PPARG: variants seen among roughly 807,000 people sequenced by gnomAD.
The protein encoded by PPARG is peroxisome proliferator activated receptor gamma.
A neutral mutation model predicts 39.2 loss-of-function variants in PPARG; 17 were observed. The ratio of observed to expected loss-of-function variants is 0.43; its 90% CI spans 0.30 to 0.65. The LOEUF (loss-of-function observed/expected upper bound fraction) is 0.65, where lower values mean the gene tolerates loss of function less well. Ranked by LOEUF, PPARG falls within the 30% of genes least tolerant of loss-of-function variation. The probability of loss-of-function intolerance (pLI) is 0.13; values close to 1 mark genes in which losing one functional copy is unlikely to be tolerated. For missense variants in PPARG, 406 were observed against 585.9 expected, an observed-to-expected ratio of 0.69 and a Z score of 3.17; for synonymous variants, 223 against 215.7, an observed-to-expected ratio of 1.03 and a Z score of -0.30.
At chr3:12,404,944 G>T (rs138431838) in intron 5 of PPARG, among the ~76,000 whole-genome samples, 1 of 152,264 alleles carries the variant, frequency 6.6e-6, no homozygotes, top group African/African-American at 2.4e-5. Context: ...CCATAAAAAC[G>T]CATGGCTGTG....
chr3:12,400,526 T>C (rs1163490708), intron 5 of PPARG, among the ~76,000 whole-genome samples: 1 of 152,244 alleles, frequency 6.6e-6, no homozygotes, highest in Non-Finnish European at 1.5e-5. Flanking sequence ...CCAGTCTTCC[T>C]GAAGGGAGCC....
intron 2 of PPARG, among the ~76,000 whole-genome samples, chr3:12,369,069 A>C (rs1203959557): frequency 1.3e-5 from 2 of 152,346 alleles, no homozygotes; most frequent in Middle Eastern, 3.4e-3. Context: ...TAACACTCGT[A>C]CACAGCTACA....
chr3:12,396,298 T>G (rs1044941677), intron 5 of PPARG, among the ~76,000 whole-genome samples: 4 of 152,042 alleles, frequency 2.6e-5, no homozygotes, highest in Non-Finnish European at 5.9e-5. Flanking sequence ...ATTTTTGTAT[T>G]TTTAGTAAAG....
chr3:12,404,308 C>CA (rs1451999970), intron 5 of PPARG, among the ~76,000 whole-genome samples: 1 of 152,002 alleles, frequency 6.6e-6, no homozygotes, highest in Non-Finnish European at 1.5e-5. Flanking sequence ...AGGCCCCTAC[C>CA]AAACAATAGT....
Position 12,379,658 on chromosome 3 carries a change from T to C in PPARG, c.-8-46T>C, listed in dbSNP as rs367729643. ...TTTCTGAAACTCTGTGAGATTGCTG[T>C]GTTCTCTAGGACTTAACTTCACAGC... On this transcript the variant is annotated intron_variant, in intron 2 of 7. Coordinates refer to ENST00000651735, the MANE Select transcript of PPARG (RefSeq NM_138711.6). 3.4e-5 allele frequency: 51 copies of C among 1,512,774 alleles called. No homozygotes were observed. In the South Asian group the frequency reaches 4.4e-4, roughly 13 times the overall value. 93.7% of individuals were successfully genotyped at this position (1,512,774 alleles called of 1,614,324 possible).
chr3:12,311,576 A>T (rs1306533379), intron 1 of PPARG, among the ~76,000 whole-genome samples: 1 of 152,202 alleles, frequency 6.6e-6, no homozygotes, highest in Non-Finnish European at 1.5e-5. Flanking sequence ...AAAGGTACAG[A>T]TTTAAAAGAG....
At chr3:12,422,722 A>T (rs1281942229) in intron 7 of PPARG, among the ~76,000 whole-genome samples, 1 of 152,064 alleles carries the variant, frequency 6.6e-6, no homozygotes, top group Non-Finnish European at 1.5e-5. Context: ...TCTACAAAAA[A>T]TACAAAAATT....
intron 5 of PPARG, among the ~76,000 whole-genome samples, chr3:12,405,155 C>T (rs2125250563): frequency 6.6e-6 from 1 of 152,202 alleles, no homozygotes; most frequent in South Asian, 2.1e-4. Flanking sequence ...TTATTTTTTC[C>T]CCAAACTAGT....
chr3:12,326,381 A>G (rs1203151578), intron 2 of PPARG, among the ~76,000 whole-genome samples: 2 of 141,170 alleles, frequency 1.4e-5, no homozygotes, highest in Non-Finnish European at 3.2e-5. Context: ...TAACTTTAAT[A>G]CTTCATACAG....
chr3:12,325,720 T>C (rs1311164056), intron 2 of PPARG, among the ~76,000 whole-genome samples: 1 of 152,000 alleles, frequency 6.6e-6, no homozygotes, highest in Non-Finnish European at 1.5e-5. Flanking sequence ...ACACATTAAT[T>C]GTGCAAAAGG....
intron 1 of PPARG, among the ~76,000 whole-genome samples, chr3:12,299,527 G>C (rs977568460): frequency 1.3e-5 from 2 of 151,992 alleles, no homozygotes; most frequent in Non-Finnish European, 2.9e-5. Flanking sequence ...TATAATTTCT[G>C]TCTCAGTAAT....
chr3:12,373,979 G>A (rs1038837199), intron 2 of PPARG, among the ~76,000 whole-genome samples: 2 of 152,150 alleles, frequency 1.3e-5, no homozygotes, highest in Non-Finnish European at 2.9e-5. Flanking sequence ...AAGAGGCAGG[G>A]CATGTTTAAC....
At chr3:12,307,353 G>A (rs972179502) in intron 1 of PPARG, among the ~76,000 whole-genome samples, 3 of 151,992 alleles carry the variant, frequency 2.0e-5, no homozygotes. Flanking sequence ...TACTTGCATA[G>A]GACAAAAATT....
At chr3:12,345,521 G>A (rs1036359135) in intron 2 of PPARG, among the ~76,000 whole-genome samples, 13 of 152,130 alleles carry the variant, frequency 8.5e-5, no homozygotes, top group Admixed American at 7.9e-4. Context: ...ATGAGATAGA[G>A]CATCGTTTGG....
At chr3:12,421,752 G>A (rs1156913360) in intron 7 of PPARG, among the ~76,000 whole-genome samples, 1 of 152,132 alleles carries the variant, frequency 6.6e-6, no homozygotes, top group Non-Finnish European at 1.5e-5. Context: ...TCACTACAAC[G>A]GCTGCAGATG....
At chr3:12,295,511 A>C (rs960595499) in intron 1 of PPARG, among the ~76,000 whole-genome samples, 2 of 116,288 alleles carry the variant, frequency 1.7e-5, no homozygotes, top group African/African-American at 8.2e-5. Context: ...GGTTCAAAAA[A>C]AAATTTTTTT....
chr3:12,378,206 A>G (rs567489371), intron 2 of PPARG, among the ~76,000 whole-genome samples: 1 of 152,322 alleles, frequency 6.6e-6, no homozygotes, highest in African/African-American at 2.4e-5. Context: ...GGAAAACAGA[A>G]TGGACTGCCT....
chr3:12,390,112 G>A (rs2050015697), intron 4 of PPARG, among the ~76,000 whole-genome samples: 2 of 152,104 alleles, frequency 1.3e-5, no homozygotes, highest in Admixed American at 6.6e-5. Flanking sequence ...TGAAAAGCCA[G>A]GGACATACAA....
Position 12,401,859 on chromosome 3 carries a change from T to TG in PPARG, c.530-4017dup, listed in dbSNP as rs948652696. 2.1e-4 allele frequency among the ~76,000 whole-genome samples: 32 copies of TG among 152,272 alleles called. No individual in the cohort carries two copies. In the Middle Eastern group the frequency reaches 0.014, roughly 65 times the overall value. ...TAATTTATTCATTAGAGTTAGCCTT[T>TG]GGGGGGAACTTCAACTTACAAAAAT... On this transcript the variant is annotated intron_variant, in intron 5 of 7. Transcript: ENST00000651735.
Sources: allele counts gnomAD v4.1 joint callset (sites outside exome capture counted in the v4.1 genomes callset), GRCh38; gene constraint gnomAD v4.1.1; transcripts MANE v1.5; gene names NCBI Gene and HGNC (gene_info 2026-07-23, HGNC 2026-07-21).